The following UBE3C variants were observed in gnomAD, a reference collection of about 807,000 sequenced individuals.
UBE3C encodes ubiquitin-protein ligase E3C.
In UBE3C, 42 loss-of-function variants were observed where a neutral mutation model predicts 129.4. The observed-to-expected ratio is 0.32, with a 90% confidence interval of 0.25 to 0.42. The LOEUF is 0.42. Ranked by LOEUF, UBE3C falls within the 10% of genes least tolerant of loss-of-function variation. The pLI, the probability that UBE3C is intolerant of heterozygous loss-of-function variation, is 1.00. For synonymous variants in UBE3C, 510 were observed against 492.4 expected (o/e 1.04, Z -0.47); for missense variants, 1,049 against 1,319.1 (o/e 0.80, Z 3.17).
In UBE3C at chr7:157,254,875, A is replaced by C. The variant is rs192805774; in HGVS notation, c.2950+565A>C. On this transcript the variant is annotated intron_variant, in intron 21 of 22. Transcript: ENST00000348165. ...GGCAATGTGGCGAAATCCCATCTCTACTAAAAATTAGCTGGGCGTGGTGGC... is the reference window on the plus strand; with the variant it reads ...GGCAATGTGGCGAAATCCCATCTCTCCTAAAAATTAGCTGGGCGTGGTGGC... Among the ~76,000 whole-genome samples the C allele has an allele frequency of 5.3e-5, 8 of 151,988 alleles. No individual in the cohort carries two copies. The East Asian group carries it at 1.4e-3, about 26-fold the overall frequency.
At chr7:157,198,791 C>T (rs1464623811) in intron 10 of UBE3C, among the ~76,000 whole-genome samples, 1 of 152,156 alleles carries the variant, frequency 6.6e-6, no homozygotes, top group African/African-American at 2.4e-5. Flanking sequence ...ACCTTGGCCT[C>T]CCAAAGTGCT....
Position 157,225,445 on chromosome 7 carries a change from T to C in UBE3C, c.2139T>C (p.Val713=). 1.2e-6 allele frequency: 2 copies of C among 1,608,266 alleles called. No individual in the cohort carries two copies. The highest frequency in any genetic ancestry group is 1.7e-6 in the Non-Finnish European group (2 of 1,178,678). The change falls in exon 17 of 23, where the codon GTT becomes GTC. Residue 713 remains valine (V), a synonymous_variant. Coordinates refer to ENST00000348165, the MANE Select transcript of UBE3C (RefSeq NM_014671.3). ...QRLIYADKQE[V]QGDGPFLDGI... ...TGATTTATGCAGATAAGCAAGAAGT[T>C]CAAGGAGATGGTCCATTTCTGGATG... is the stretch of plus-strand genomic sequence containing the variant.
intron 2 of UBE3C, among the ~76,000 whole-genome samples, chr7:157,168,591 A>G (rs189505407): frequency 5.3e-4 from 81 of 152,372 alleles, no homozygotes; most frequent in Non-Finnish European, 8.7e-4. Context: ...CATCCATACA[A>G]TGGAACATTA....
chr7:157,259,410 G>A (rs913954178), intron 22 of UBE3C, among the ~76,000 whole-genome samples: 1 of 152,230 alleles, frequency 6.6e-6, no homozygotes, highest in Admixed American at 6.5e-5. Context: ...CCACCGTTGG[G>A]AGTGTACAGA....
rs1808142150 is a variant in UBE3C at position 157,163,855 on chromosome 7, AAG to A, written c.119_120del (p.Glu40GlyfsTer20). On this transcript the variant is annotated frameshift_variant, in exon 2 of 23. Transcript: ENST00000348165. LOFTEE classifies it high-confidence loss of function. ...ACATCGTACTCAGGAAGAAAGAAGA[AAG>A]AGAGAGGTAAAAACAGTTTTGTAAT... ...LLHRTQEERR[K>X]REEERRRLKN... The A allele has an allele frequency of 1.9e-6, 3 of 1,613,390 alleles. No homozygotes were observed. Among genetic ancestry groups the A allele is most frequent in the Admixed American group, 1.7e-5 (1 of 59,984 alleles).
At chr7:157,160,747 T>C (rs1049872656) in intron 1 of UBE3C, among the ~76,000 whole-genome samples, 4 of 152,198 alleles carry the variant, frequency 2.6e-5, no homozygotes, top group African/African-American at 9.6e-5. Context: ...CCACTAATTT[T>C]AGCATACATT....
At chr7:157,221,223 A>T (rs1430319691) in intron 15 of UBE3C, 2 of 157,888 alleles carry the variant, frequency 1.3e-5, no homozygotes, top group Non-Finnish European at 2.8e-5. Flanking sequence ...TGCTATAAAC[A>T]TCTATGTACA....
chr7:157,143,263 T>C (rs1206263788), intron 1 of UBE3C, among the ~76,000 whole-genome samples: 1 of 152,096 alleles, frequency 6.6e-6, no homozygotes, highest in Non-Finnish European at 1.5e-5. Context: ...TGGGGGTATG[T>C]TTTTCTTGGT....
chr7:157,249,925 T>C (rs1796579948), intron 19 of UBE3C, among the ~76,000 whole-genome samples: 1 of 152,140 alleles, frequency 6.6e-6, no homozygotes, highest in African/African-American at 2.4e-5. Flanking sequence ...AACATGAAGC[T>C]CAAAGGAAAT....
chr7:157,174,866 CA>C, intron 4 of UBE3C, 52 bp from the exon 5 acceptor site: 3 of 1,409,178 alleles, frequency 2.1e-6, no homozygotes, highest in Non-Finnish European at 1.9e-6. Context: ...TGTAAATTAG[CA>C]AACTATTAAA....
chr7:157,236,803 C>G (rs1302782049), intron 18 of UBE3C, among the ~76,000 whole-genome samples: 1 of 151,912 alleles, frequency 6.6e-6, no homozygotes, highest in Non-Finnish European at 1.5e-5. Flanking sequence ...GCGATCTTGG[C>G]TCACTGCAAC....
At chr7:157,165,042 TA>T (rs1554422566) in intron 2 of UBE3C, among the ~76,000 whole-genome samples, 2 of 152,190 alleles carry the variant, frequency 1.3e-5, no homozygotes, top group Non-Finnish European at 2.9e-5. Context: ...CTCTACCCAC[TA>T]AATGCCAGTA....
intron 17 of UBE3C, 84 bp from the exon 18 acceptor site, chr7:157,230,996 C>T: frequency 1.3e-6 from 2 of 1,554,714 alleles, no homozygotes; most frequent in Admixed American, 3.7e-5. Context: ...CACACCCCTT[C>T]CTTAAGCCTT....
intron 9 of UBE3C, among the ~76,000 whole-genome samples, chr7:157,186,096 A>C (rs909946793): frequency 2.0e-5 from 3 of 152,182 alleles, no homozygotes; most frequent in Admixed American, 6.6e-5. Context: ...AGATTAAGGT[A>C]TAAAATAGAT....
chr7:157,160,329 C>T (rs370407477), intron 1 of UBE3C, among the ~76,000 whole-genome samples: 17 of 152,144 alleles, frequency 1.1e-4, no homozygotes, highest in African/African-American at 3.4e-4. Context: ...CCGGCCTTGG[C>T]CTCCCAAAGT....
chr7:157,226,747 G>A (rs911416082), intron 17 of UBE3C, among the ~76,000 whole-genome samples: 5 of 141,538 alleles, frequency 3.5e-5, no homozygotes, highest in African/African-American at 5.4e-5. Context: ...ACAATTTACC[G>A]TTGCCATTGA....
In UBE3C at chr7:157,227,369, G is replaced by A. The variant is rs117661799; in HGVS notation, c.2233+1830G>A. 2.2e-3 allele frequency among the ~76,000 whole-genome samples: 333 copies of A among 152,170 alleles called. 1 individual carries two copies. The highest frequency in any genetic ancestry group is 0.014 in the Middle Eastern group (4 of 294). On this transcript the variant is annotated intron_variant, in intron 17 of 22. Transcript: ENST00000348165. Reference sequence around the variant, plus strand: ...AAGCTCTTCAGCCAGAGTAGAATGCGTTTCTTACTTACCAGCAATTTAAAA... The same window carrying A: ...AAGCTCTTCAGCCAGAGTAGAATGCATTTCTTACTTACCAGCAATTTAAAA...
chr7:157,233,892 C>G (rs570027466), intron 18 of UBE3C, among the ~76,000 whole-genome samples: 1 of 152,316 alleles, frequency 6.6e-6, no homozygotes, highest in East Asian at 1.9e-4. Flanking sequence ...TACAGCCATT[C>G]TAGTGGGTGG....
intron 1 of UBE3C, among the ~76,000 whole-genome samples, chr7:157,163,163 ATCAGGAGG>A (rs1808117963): frequency 6.6e-6 from 1 of 152,072 alleles, no homozygotes; most frequent in African/African-American, 2.4e-5. Flanking sequence ...AGGCGGGTGG[ATCAGGAGG>A]TCAGGAGATC....
Sources: allele counts gnomAD v4.1 joint callset (sites outside exome capture counted in the v4.1 genomes callset), GRCh38; gene constraint gnomAD v4.1.1; transcripts MANE v1.5; gene names NCBI Gene and HGNC (gene_info 2026-07-23, HGNC 2026-07-21).